Variants in UPF2 observed in about 807,000 individuals in gnomAD.
The protein encoded by UPF2 is UPF2 regulator of nonsense mediated mRNA decay.
A neutral mutation model predicts 141.4 loss-of-function variants in UPF2; 17 were observed. The observed-to-expected ratio is 0.12, with a 90% CI of 0.08 to 0.18. The LOEUF (loss-of-function observed/expected upper bound fraction) is 0.18, where lower values mean the gene tolerates loss of function less well. Ranked by LOEUF, UPF2 falls within the 10% of genes least tolerant of loss-of-function variation. UPF2 has a pLI of 1.00. For synonymous variants in UPF2, 540 were observed against 498.0 expected (o/e 1.08, Z -1.12); for missense variants, 1,152 against 1,515.9 (o/e 0.76, Z 3.99).
At chr10:11,967,545 AGT>A in intron 9 of UPF2, 91 bp from the exon 10 acceptor site, 26 of 389,142 alleles carry the variant, frequency 6.7e-5, no homozygotes, top group Middle Eastern at 6.9e-4. Context: ...AATTCACTCC[AGT>A]TTTTTTTTTT....
chr10:11,977,911 C>T (rs565073820), intron 9 of UPF2, among the ~76,000 whole-genome samples: 9 of 152,172 alleles, frequency 5.9e-5, no homozygotes, highest in Non-Finnish European at 1.3e-4. Context: ...CGTACTACTA[C>T]CTATGAAAAT....
intron 9 of UPF2, among the ~76,000 whole-genome samples, chr10:11,976,600 A>G (rs1588547830): frequency 6.6e-6 from 1 of 152,240 alleles, no homozygotes; most frequent in Admixed American, 6.5e-5. Context: ...TCTAAGTATC[A>G]TAAGAGAGAT....
chr10:12,043,118 A>G (rs1351777599), upstream of UPF2: 1 of 152,348 alleles, frequency 6.6e-6, no homozygotes, highest in Non-Finnish European at 1.5e-5. Flanking sequence ...TCCCCAGTCG[A>G]TGAGAAGAGC....
rs1025286626 is a variant in UPF2 at position 11,931,487 on chromosome 10, T to A, written c.3688+154A>T. On this transcript the variant is annotated intron_variant, in intron 20 of 21. Coordinates refer to ENST00000357604, the MANE Select transcript of UPF2 (RefSeq NM_015542.4). This position sits in a 1 kb window ranked among gnomAD's most constrained non-coding sequence, Gnocchi z 5.9. ...TATGGTGAAAATTATATTATTGTTA[T>A]TTTACAAATAAGTGAAAGAAAAACA... Among the ~76,000 whole-genome samples the A allele has an allele frequency of 1.3e-5, 2 of 152,170 alleles. No individual in the cohort carries two copies. The highest frequency in any genetic ancestry group is 2.9e-5 in the Non-Finnish European group (2 of 68,028).
At chr10:12,005,179 C>T (rs879778533) in intron 4 of UPF2, among the ~76,000 whole-genome samples, 1 of 151,620 alleles carries the variant, frequency 6.6e-6, no homozygotes, top group Non-Finnish European at 1.5e-5. Flanking sequence ...TTTATATCTC[C>T]AAAAACAGAC....
At chr10:12,004,445 AAT>A (rs944832989) in intron 5 of UPF2, 83 bp downstream of exon 5, 3 of 1,077,156 alleles carry the variant, frequency 2.8e-6, no homozygotes, top group African/African-American at 1.6e-5. Context: ...TAGTAACTAC[AAT>A]ATATATATTT....
intron 8 of UPF2, among the ~76,000 whole-genome samples, chr10:11,990,162 C>T (rs569380182): frequency 1.3e-5 from 2 of 152,312 alleles, no homozygotes; most frequent in South Asian, 2.1e-4. Context: ...AAAGGGAAAG[C>T]TGGCCCAAAC....
Position 11,920,642 on chromosome 10 carries a change from A to G in UPF2, c.*656T>C, listed in dbSNP as rs1832629725. On this transcript the variant is annotated 3_prime_UTR_variant, in exon 22 of 22. Coordinates refer to ENST00000357604, the MANE Select transcript of UPF2 (RefSeq NM_015542.4). ...CATTTTTCTTTTACCTTAATAGGCA[A>G]TTTTATAGCACTGACTCTGATGGAT... 4.9e-6 allele frequency: 1 copy of G among 204,200 alleles called. No individual in the cohort carries two copies. Among genetic ancestry groups the G allele is most frequent in the Admixed American group, 5.3e-5 (1 of 18,964 alleles). 12.6% of individuals were successfully genotyped at this position (204,200 alleles called of 1,614,324 possible). A position where few individuals can be genotyped will look rare whatever the true frequency, so the allele number is the denominator to read the frequency against.
At chr10:11,995,803 A>C (rs1049635721) in intron 8 of UPF2, among the ~76,000 whole-genome samples, 15 of 152,134 alleles carry the variant, frequency 9.9e-5, no homozygotes, top group Non-Finnish European at 1.6e-4. Context: ...GGTTTTACCA[A>C]GAGTTTGATG....
Position 11,953,169 on chromosome 10 carries a change from T to A in UPF2, c.2851-920A>T, listed in dbSNP as rs1434057274. On this transcript the variant is annotated intron_variant, in intron 14 of 21. Coordinates refer to ENST00000357604, the MANE Select transcript of UPF2 (RefSeq NM_015542.4). The surrounding 1 kb of genome is among the most constrained non-coding windows in gnomAD (Gnocchi z 5.0). The stretch of plus-strand genomic sequence containing the variant: ...ATTAACTGAAAGCACAACCCAAGAA[T>A]TTACTAGTATATGAACAGGTATTCC... Among the ~76,000 whole-genome samples, 1 of 152,246 alleles carries A rather than the reference T, an allele frequency of 6.6e-6. No homozygotes were observed. The highest frequency in any genetic ancestry group is 1.5e-5 in the Non-Finnish European group (1 of 68,046).
intron 1 of UPF2, among the ~76,000 whole-genome samples, chr10:12,041,570 C>T (rs1044899227): frequency 1.3e-5 from 2 of 152,124 alleles, no homozygotes; most frequent in Non-Finnish European, 2.9e-5. Flanking sequence ...TGCAAAGTAC[C>T]ATATGGATTA....
chr10:11,925,788 C>A (rs900522780), intron 21 of UPF2, among the ~76,000 whole-genome samples: 2 of 152,182 alleles, frequency 1.3e-5, no homozygotes, highest in Non-Finnish European at 2.9e-5. Context: ...TAAAGGTCAG[C>A]TAGGCTGCAG....
At position 11,936,814 on chromosome 10, in the gene UPF2, A is replaced by C; in HGVS notation, c.3379-102T>G. ...TTCAATGCTGTATTTCTTAAAACAC[A>C]ACAATCATAAGAGCCATAACAGTCA... On this transcript the variant is annotated intron_variant, in intron 18 of 21. Coordinates refer to ENST00000357604, the MANE Select transcript of UPF2 (RefSeq NM_015542.4). The surrounding 1 kb of genome is among the most constrained non-coding windows in gnomAD (Gnocchi z 6.6). 1 of 1,141,950 alleles carries C rather than the reference A, an allele frequency of 8.8e-7. No individual in the cohort carries two copies. Among genetic ancestry groups the C allele is most frequent in the Non-Finnish European group, 1.2e-6 (1 of 842,258 alleles). The allele number at this position is 1,141,950 out of a possible 1,614,324, so 70.7% of individuals were successfully genotyped here.
At chr10:11,954,066 A>T (rs990953005) in intron 14 of UPF2, among the ~76,000 whole-genome samples, 1 of 152,204 alleles carries the variant, frequency 6.6e-6, no homozygotes, top group African/African-American at 2.4e-5. Flanking sequence ...GCACTTAGAA[A>T]ATTGTATTTT....
chr10:11,949,831 C>T lies in UPF2; in HGVS notation c.3035-1323G>A, dbSNP rs114721794. ...TAAAAATCTGAGCCAGTAATCCTAT[C>T]TATCCTGAGAAAATCACAGGTACAC... is the stretch of plus-strand genomic sequence containing the variant. On this transcript the variant is annotated intron_variant, in intron 15 of 21. Coordinates refer to ENST00000357604, the MANE Select transcript of UPF2 (RefSeq NM_015542.4). 4.3e-3 allele frequency among the ~76,000 whole-genome samples: 660 copies of T among 152,274 alleles called. 2 individuals carry two copies. The highest frequency in any genetic ancestry group is 0.015 in the African/African-American group (618 of 41,556).
At chr10:11,997,236 C>G (rs2131260267) in intron 8 of UPF2, among the ~76,000 whole-genome samples, 1 of 152,136 alleles carries the variant, frequency 6.6e-6, no homozygotes, top group South Asian at 2.1e-4. Context: ...GCTATCATAC[C>G]TCTTAACTAT....
chr10:11,970,185 C>T (rs1404828512), intron 9 of UPF2, among the ~76,000 whole-genome samples: 2 of 152,140 alleles, frequency 1.3e-5, no homozygotes, highest in African/African-American at 4.8e-5. Context: ...GTAGTGACTA[C>T]ACTTCACTTG....
rs1033309534 is a variant in UPF2, at chr10:11,998,900, C to T, written c.1758+1006G>A. ...ATTAGCTGGGCGTGGTGGTGCACGC[C>T]TGTAGTCCCAGCTACTCAGGAGGCT... On this transcript the variant is annotated intron_variant, in intron 7 of 21. Coordinates refer to ENST00000357604, the MANE Select transcript of UPF2 (RefSeq NM_015542.4). This position sits in a 1 kb window ranked among gnomAD's most constrained non-coding sequence, Gnocchi z 4.5. 3.3e-5 allele frequency among the ~76,000 whole-genome samples: 5 copies of T among 151,832 alleles called. No individual in the cohort carries two copies. Among genetic ancestry groups the T allele is most frequent in the African/African-American group, 1.2e-4 (5 of 41,338 alleles).
chr10:11,942,539 C>T (rs1832949292), intron 18 of UPF2, 126 bp downstream of exon 18: 7 of 761,592 alleles, frequency 9.2e-6, no homozygotes, highest in Admixed American at 2.6e-5. Flanking sequence ...GCTGTCTACA[C>T]ATGATCTAGC....
Sources: gnomAD v4.1 joint callset for allele counts (sites outside exome capture counted in the v4.1 genomes callset) on GRCh38, gnomAD v4.1.1 for gene constraint, Gnocchi (gnomAD v3.1) non-coding constraint, MANE v1.5 for transcripts, NCBI Gene and HGNC (gene_info 2026-07-23, HGNC 2026-07-21) for gene names.